GSE1: variants seen among roughly 807,000 people sequenced by gnomAD.
GSE1 encodes genetic suppressor element 1.
A neutral mutation model predicts 112.6 loss-of-function variants in GSE1; 32 were observed. That is an observed-to-expected ratio of 0.28 (90% CI 0.21 to 0.38). The LOEUF (loss-of-function observed/expected upper bound fraction) is 0.38, where lower values mean the gene tolerates loss of function less well. GSE1 is among the 10% of genes least tolerant of loss of function. The pLI, the probability that GSE1 is intolerant of heterozygous loss-of-function variation, is 1.00. For missense variants in GSE1, 2,348 were observed against 1,699.2 expected, an observed-to-expected ratio of 1.38 and a Z score of -6.71; for synonymous variants, 1,115 against 735.6, an observed-to-expected ratio of 1.52 and a Z score of -8.35.
chr16:85,523,602 G>C (rs571031826), intron 2 of GSE1, among the ~76,000 whole-genome samples: 301 of 152,306 alleles, frequency 2.0e-3, no homozygotes, highest in Non-Finnish European at 3.6e-3. Context: ...CCCCAGCCGT[G>C]GGGGCTGGAG....
chr16:85,663,828 C>T (rs745746376), intron 11 of GSE1, among the ~76,000 whole-genome samples: 8 of 152,256 alleles, frequency 5.3e-5, no homozygotes, highest in Non-Finnish European at 1.0e-4. Context: ...AGAGCCCCAC[C>T]ATCTTGACCT....
At chr16:85,389,649 A>G (rs1463732329) in intron 2 of GSE1, among the ~76,000 whole-genome samples, 1 of 152,164 alleles carries the variant, frequency 6.6e-6, no homozygotes, top group Non-Finnish European at 1.5e-5. Context: ...GAAAGCCTCA[A>G]GCAGAGAGAA....
intron 2 of GSE1, among the ~76,000 whole-genome samples, chr16:85,482,658 C>T (rs951256253): frequency 8.5e-5 from 13 of 152,196 alleles, no homozygotes; most frequent in Admixed American, 4.6e-4. Context: ...CCCCCGTCTG[C>T]AAATCCAGCA....
intron 1 of GSE1, among the ~76,000 whole-genome samples, chr16:85,557,329 T>C (rs1011563289): frequency 1.3e-5 from 2 of 152,066 alleles, no homozygotes; most frequent in Non-Finnish European, 2.9e-5. Flanking sequence ...AGGAATGAGC[T>C]GATTTTATTC....
Position 85,463,168 on chromosome 16 carries a change from G to T in GSE1, c.2464+105525G>T, listed in dbSNP as rs904017825. The T allele has an allele frequency of 5.3e-5, 51 of 955,276 alleles. 1 individual carries two copies. In the African/African-American group the frequency reaches 6.2e-4, roughly 12 times the overall value. 59.2% of individuals were successfully genotyped at this position (955,276 alleles called of 1,614,324 possible). A position where few individuals can be genotyped will look rare whatever the true frequency, so the allele number is the denominator to read the frequency against. ...CGCCCCGTGGACGGGAGGGTGGGGG[G>T]TCCGGGATGGAACTTTCTGGGGCGC... On this transcript the variant is annotated intron_variant, in intron 2 of 2. Coordinates refer to the GSE1 transcript ENST00000637419.
intron 1 of GSE1, among the ~76,000 whole-genome samples, chr16:85,252,263 C>CCATCACCT (rs1906568426): frequency 6.6e-6 from 1 of 151,820 alleles, no homozygotes; most frequent in African/African-American, 2.4e-5. Flanking sequence ...TATCTCCATG[C>CCATCACCT]GATCACCCGG....
intron 1 of GSE1, among the ~76,000 whole-genome samples, chr16:85,289,279 A>G (rs2045134639): frequency 6.6e-6 from 1 of 151,894 alleles, no homozygotes; most frequent in African/African-American, 2.4e-5. Context: ...CTCCCCTCCA[A>G]TGCTGGGGTT....
At chr16:85,236,715 G>T (rs1034381373) in intron 1 of GSE1, among the ~76,000 whole-genome samples, 1 of 152,122 alleles carries the variant, frequency 6.6e-6, no homozygotes, top group African/African-American at 2.4e-5. Flanking sequence ...AGTGGCCTGT[G>T]GAGTCCTGGC....
At chr16:85,657,926 G>A (rs886368581) in intron 8 of GSE1, among the ~76,000 whole-genome samples, 11 of 152,218 alleles carry the variant, frequency 7.2e-5, no homozygotes, top group African/African-American at 2.7e-4. Flanking sequence ...GTGCAAGGTA[G>A]AAGCTTTAAT....
intron 2 of GSE1, among the ~76,000 whole-genome samples, chr16:85,408,909 A>AG (rs1329043057): frequency 7.3e-4 from 5 of 6,838 alleles, no homozygotes; most frequent in Non-Finnish European, 2.0e-3. Context: ...TGTTACACTC[A>AG]GGCCCCCCTG....
chr16:85,213,992 G>T (rs1429344361), intron 1 of GSE1, among the ~76,000 whole-genome samples: 2 of 152,260 alleles, frequency 1.3e-5, no homozygotes, highest in African/African-American at 4.8e-5. Flanking sequence ...GCTGTTAAGG[G>T]AGGTGGAGGC....
At chr16:85,386,572 G>A (rs2047693110) in intron 2 of GSE1, among the ~76,000 whole-genome samples, 1 of 152,232 alleles carries the variant, frequency 6.6e-6, no homozygotes, top group Admixed American at 6.5e-5. Context: ...GTGGCTCAGA[G>A]CATGGCTTCT....
At chr16:85,174,295 AAGAAAGTGGAACGGACTG>A (rs1261342473) in intron 1 of GSE1, among the ~76,000 whole-genome samples, 7 of 152,196 alleles carry the variant, frequency 4.6e-5, no homozygotes, top group Non-Finnish European at 8.8e-5. Context: ...AATTTCTTGA[AAGAAAGTGGAACGGACTG>A]AGAAGAGATC....
At chr16:85,617,507 T>C (rs528513218) in intron 1 of GSE1, among the ~76,000 whole-genome samples, 2 of 151,118 alleles carry the variant, frequency 1.3e-5, no homozygotes, top group African/African-American at 4.9e-5. Context: ...CCTGGGGAGC[T>C]TTAAAAGCTC....
At chr16:85,170,658 G>C in exon 1 of GSE1, 1 of 985,636 alleles carries the variant, frequency 1.0e-6, no homozygotes, top group Non-Finnish European at 1.2e-6. Flanking sequence ...CGCTGTCCCC[G>C]GCCTCGCACC....
chr16:85,599,774 C>T (rs1350002416), intron 1 of GSE1, among the ~76,000 whole-genome samples: 4 of 152,214 alleles, frequency 2.6e-5, no homozygotes, highest in South Asian at 2.1e-4. Flanking sequence ...CGGTGGTGTG[C>T]GTGTCGCCCC....
At chr16:85,264,288 C>A (rs74031749) in intron 1 of GSE1, among the ~76,000 whole-genome samples, 1 of 152,016 alleles carries the variant, frequency 6.6e-6, no homozygotes, top group South Asian at 2.1e-4. Flanking sequence ...TGTCCCACAT[C>A]CCTAGCTTAA....
intron 2 of GSE1, among the ~76,000 whole-genome samples, chr16:85,545,622 A>C (rs1173963874): frequency 6.6e-6 from 1 of 152,196 alleles, no homozygotes; most frequent in Non-Finnish European, 1.5e-5. Flanking sequence ...TCCTCATCTG[A>C]AAAATGGAGA....
chr16:85,636,507 TC>T (rs1338209339), intron 2 of GSE1, among the ~76,000 whole-genome samples: 1 of 152,164 alleles, frequency 6.6e-6, no homozygotes, highest in African/African-American at 2.4e-5. Context: ...GTGCACCTGG[TC>T]CCCATTCTCA....
Sources: allele counts gnomAD v4.1 joint callset (sites outside exome capture counted in the v4.1 genomes callset), GRCh38; gene constraint gnomAD v4.1.1; transcripts MANE v1.5; gene names NCBI Gene and HGNC (gene_info 2026-07-23, HGNC 2026-07-21).